Variants in POU2F1 observed in about 807,000 individuals in gnomAD.
POU2F1 encodes POU domain, class 2, transcription factor 1.
Under a neutral mutation model 84.9 loss-of-function variants are expected in POU2F1, and 16 were observed. That is an observed-to-expected ratio of 0.19 (90% confidence interval 0.13 to 0.29). The LOEUF is 0.29. Among genes scored for constraint, POU2F1 ranks in the 10% least tolerant of loss-of-function variants. The pLI is 1.00. For missense variants in POU2F1, 738 were observed against 942.6 expected, an observed-to-expected ratio of 0.78 and a Z score of 2.84; for synonymous variants, 368 against 368.3, an observed-to-expected ratio of 1.00 and a Z score of 0.01.
chr1:167,241,067 G>A (rs376179540), intron 1 of POU2F1, among the ~76,000 whole-genome samples: 23 of 152,076 alleles, frequency 1.5e-4, no homozygotes, highest in African/African-American at 4.8e-4. Context: ...ACTTGAACCC[G>A]GGAGGCGGAG....
chr1:167,332,597 C>G (rs1657147710), intron 2 of POU2F1, 62 bp downstream of exon 2: 2 of 1,359,230 alleles, frequency 1.5e-6, no homozygotes, highest in African/African-American at 2.9e-5. Flanking sequence ...AGAAAGTTTC[C>G]ATGTAACTAG....
At chr1:167,327,301 T>C (rs1200847340) in intron 1 of POU2F1, among the ~76,000 whole-genome samples, 1 of 152,188 alleles carries the variant, frequency 6.6e-6, no homozygotes, top group Non-Finnish European at 1.5e-5. Flanking sequence ...AGGGATATCA[T>C]CATTTTATAG....
At chr1:167,400,138 C>A (rs1293420392) in intron 12 of POU2F1, among the ~76,000 whole-genome samples, 3 of 151,538 alleles carry the variant, frequency 2.0e-5, no homozygotes, top group Non-Finnish European at 2.9e-5. Context: ...GCGCCCGCCA[C>A]CAGACCCAGC....
At chr1:167,302,219 G>A (rs1325623475) in intron 1 of POU2F1, among the ~76,000 whole-genome samples, 1 of 151,574 alleles carries the variant, frequency 6.6e-6, no homozygotes. Context: ...GAGTAGGTGG[G>A]ATTACAGGCA....
intron 13 of POU2F1, among the ~76,000 whole-genome samples, chr1:167,411,222 T>A (rs1649943300): frequency 6.6e-6 from 1 of 152,026 alleles, no homozygotes; most frequent in African/African-American, 2.4e-5. Flanking sequence ...GTATTTTTAT[T>A]AGAGGCAGGG....
At chr1:167,311,883 G>T (rs1655506480) in intron 1 of POU2F1, among the ~76,000 whole-genome samples, 1 of 149,174 alleles carries the variant, frequency 6.7e-6, no homozygotes, top group Non-Finnish European at 1.5e-5. Context: ...GCTCACTGCA[G>T]CCTCCACCTC....
chr1:167,311,025 C>G (rs1655432351), intron 1 of POU2F1, among the ~76,000 whole-genome samples: 1 of 152,086 alleles, frequency 6.6e-6, no homozygotes, highest in Non-Finnish European at 1.5e-5. Context: ...CATCTGAATG[C>G]TGGGAAGAGA....
chr1:167,242,689 A>G (rs146165259), intron 1 of POU2F1, among the ~76,000 whole-genome samples: 76 of 152,320 alleles, frequency 5.0e-4, no homozygotes, highest in African/African-American at 1.7e-3. Flanking sequence ...TATATGGGTG[A>G]AACTTTCCAT....
chr1:167,243,458 G>C (rs1489305953), intron 1 of POU2F1, among the ~76,000 whole-genome samples: 2 of 152,080 alleles, frequency 1.3e-5, no homozygotes, highest in African/African-American at 4.8e-5. Flanking sequence ...GTATGAACAG[G>C]TATAAATTTA....
intron 7 of POU2F1, 120 bp from the exon 8 acceptor site, chr1:167,383,737 C>T: frequency 2.7e-6 from 2 of 739,066 alleles, no homozygotes; most frequent in East Asian, 2.7e-5. Flanking sequence ...AGTTTTGATA[C>T]CAGTAAGACT....
At chr1:167,286,710 A>G (rs1192335920) in intron 1 of POU2F1, among the ~76,000 whole-genome samples, 2 of 152,198 alleles carry the variant, frequency 1.3e-5, no homozygotes, top group Non-Finnish European at 2.9e-5. Flanking sequence ...TATTTTGTGT[A>G]GTGCTATGGA....
In POU2F1 at chr1:167,401,573, C is replaced by T; in HGVS notation, c.1555+17C>T. 1 of 1,572,016 alleles carries T rather than the reference C, an allele frequency of 6.4e-7. No individual in the cohort carries two copies. Among genetic ancestry groups the T allele is most frequent in the Non-Finnish European group, 8.7e-7 (1 of 1,151,040 alleles). On this transcript the variant is annotated intron_variant, in intron 13 of 15. Transcript: ENST00000367866. ...CAGTTACAGGTAAGCAGCTGCCAGG[C>T]CATGCACCTGCTGAGCACATGGGAG...
chr1:167,345,208 C>T (rs1658110897), intron 2 of POU2F1, among the ~76,000 whole-genome samples: 1 of 152,034 alleles, frequency 6.6e-6, no homozygotes, highest in Admixed American at 6.6e-5. Flanking sequence ...AGTCAGGGAT[C>T]CATTTTTGAG....
At chr1:167,414,491 T>C (rs1650179554) in intron 15 of POU2F1, 2 of 985,302 alleles carry the variant, frequency 2.0e-6, no homozygotes, top group Admixed American at 6.1e-5. Flanking sequence ...TGTAATGCCG[T>C]TAGAAAATCC....
chr1:167,286,621 A>G (rs879778704), intron 1 of POU2F1, among the ~76,000 whole-genome samples: 11 of 152,206 alleles, frequency 7.2e-5, no homozygotes, highest in Admixed American at 3.3e-4. Context: ...GTTGAGCACT[A>G]GAGATGTCTG....
intron 1 of POU2F1, among the ~76,000 whole-genome samples, chr1:167,221,574 G>A (rs1008002807): frequency 6.7e-6 from 1 of 149,988 alleles, no homozygotes; most frequent in Non-Finnish European, 1.5e-5. Context: ...GGCGCTGCCC[G>A]CCTTGGGGGG....
chr1:167,366,392 T>G (rs1299253699), intron 3 of POU2F1, among the ~76,000 whole-genome samples: 1 of 152,234 alleles, frequency 6.6e-6, no homozygotes, highest in African/African-American at 2.4e-5. Context: ...AACCCATATG[T>G]ACATAAGACA....
chr1:167,371,436 TTGTG>T (rs1659993773), intron 4 of POU2F1, among the ~76,000 whole-genome samples: 1 of 152,212 alleles, frequency 6.6e-6, no homozygotes, highest in South Asian at 2.1e-4. Context: ...CTCTCTGAGC[TTGTG>T]TGTTAGTTGA....
At chr1:167,263,947 T>C (rs1468714556) in intron 1 of POU2F1, among the ~76,000 whole-genome samples, 1 of 151,382 alleles carries the variant, frequency 6.6e-6, no homozygotes, top group Non-Finnish European at 1.5e-5. Flanking sequence ...TTACTTGTTA[T>C]TTTTTGTAAT....
Sources: gnomAD v4.1 joint callset for allele counts (sites outside exome capture counted in the v4.1 genomes callset) on GRCh38, gnomAD v4.1.1 for gene constraint, MANE v1.5 for transcripts, NCBI Gene and HGNC (gene_info 2026-07-23, HGNC 2026-07-21) for gene names.